Variants in SOWAHD observed in about 807,000 individuals in gnomAD.
SOWAHD encodes ankyrin repeat domain-containing protein SOWAHD.
For missense variants in SOWAHD, 295 were observed against 297.7 expected (o/e 0.99, Z 0.07); for synonymous variants, 142 against 147.2 (o/e 0.96, Z 0.26).
In SOWAHD at chrX:119,759,077, C is replaced by A. The variant is rs774550324; in HGVS notation, c.410C>A (p.Pro137Gln). ...CTGCGGGAGCTGCTGGAGGCTGAGC[C>A]GGAGCTGCTGCTGCGGGGCGACCCG... ...EVLRELLEAE[P>Q]ELLLRGDPIT... Residue 137 changes from proline (P) to glutamine (Q), a missense_variant, in exon 1 of 1, where the codon CCG (proline) becomes CAG (glutamine). By Grantham distance (76) the Pro-to-Gln change is moderately conservative. Transcript: ENST00000343905. 8.4e-7 allele frequency: 1 copy of A among 1,185,421 alleles called. No individual in the cohort carries two copies. Among genetic ancestry groups the A allele is most frequent in the Non-Finnish European group, 1.1e-6 (1 of 887,124 alleles).
rs2055531914 is a variant in SOWAHD, at chrX:119,759,033, C to T, written c.366C>T (p.Ala122=). The change falls in exon 1 of 1, where the codon GCC becomes GCT. Residue 122 remains alanine (A), a synonymous_variant. Transcript: ENST00000343905. The part of the protein sequence containing the change: ...PREHAWILAA[A]EGRYEVLREL... The stretch of plus-strand genomic sequence containing the variant: ...AGCACGCGTGGATTCTGGCAGCCGC[C>T]GAGGGCCGCTATGAGGTGCTGCGGG... 1 of 1,167,392 alleles carries T rather than the reference C, an allele frequency of 8.6e-7. No individual in the cohort carries two copies. Among genetic ancestry groups the T allele is most frequent in the Non-Finnish European group, 1.1e-6 (1 of 879,397 alleles).
chrX:119,758,676 G>A lies in SOWAHD; in HGVS notation c.9G>A (p.Gln3=), dbSNP rs373259047. The A allele has an allele frequency of 6.2e-6, 7 of 1,121,498 alleles. No homozygotes were observed. The highest frequency in any genetic ancestry group is 7.0e-6 in the Non-Finnish European group (6 of 857,987). 92.4% of individuals were successfully genotyped at this position (1,121,498 alleles called of 1,213,427 possible). Residue 3 remains glutamine, a synonymous_variant, in exon 1 of 1, where the codon CAG becomes CAA. Transcript: ENST00000343905. ...GCGGCAGCTTCAAGACCATGGCCCA[G>A]CTCGGAGGGGCCGCGAACCGGGCAC... MA[Q]LGGAANRAPT...
In SOWAHD at chrX:119,759,074, A is replaced by C. The variant is rs762544885; in HGVS notation, c.407A>C (p.Glu136Ala). ...GTGCTGCGGGAGCTGCTGGAGGCTG[A>C]GCCGGAGCTGCTGCTGCGGGGCGAC... ...YEVLRELLEA[E>A]PELLLRGDPI... Residue 136 changes from glutamate to alanine, a missense_variant, in exon 1 of 1, where the codon GAG (glutamate) becomes GCG (alanine). By Grantham distance (107) the Glu-to-Ala change is moderately radical. Coordinates refer to ENST00000343905, the MANE Select transcript of SOWAHD (RefSeq NM_001105576.3). The C allele has an allele frequency of 9.5e-5, 113 of 1,183,563 alleles. No homozygotes were observed. Among genetic ancestry groups the C allele is most frequent in the Non-Finnish European group, 1.2e-4 (108 of 886,700 alleles).
chrX:119,758,675 A>T lies in SOWAHD; in HGVS notation c.8A>T (p.Gln3Leu). The change falls in exon 1 of 1, where the codon CAG becomes CTG. Residue 3 changes from glutamine (Q) to leucine (L), a missense_variant. Gln to Leu is a moderately radical substitution (Grantham distance 113). Transcript: ENST00000343905. MA[Q>L]LGGAANRAPT... ...GGCGGCAGCTTCAAGACCATGGCCCAGCTCGGAGGGGCCGCGAACCGGGCA... is the reference window on the plus strand; with the variant it reads ...GGCGGCAGCTTCAAGACCATGGCCCTGCTCGGAGGGGCCGCGAACCGGGCA... The T allele has an allele frequency of 8.9e-7, 1 of 1,119,039 alleles. No individual in the cohort carries two copies. The highest frequency in any genetic ancestry group is 1.2e-6 in the Non-Finnish European group (1 of 856,723). 92.2% of individuals were successfully genotyped at this position (1,119,039 alleles called of 1,213,427 possible).
Position 119,758,842 on chromosome X carries a change from A to G in SOWAHD, c.175A>G (p.Thr59Ala). The change falls in exon 1 of 1, where the codon ACG (threonine) becomes GCG (alanine). Residue 59 changes from threonine to alanine, a missense_variant. Physicochemically the swap from Thr to Ala is moderately conservative, Grantham distance 58. Transcript: ENST00000343905. ...AASREHPFPG[T>A]LMHSAAGSGR... is the part of the protein sequence containing the mutation. ...CTCCCGGGAGCACCCCTTCCCAGGC[A>G]CGCTGATGCACTCTGCAGCGGGCTC... is the stretch of plus-strand genomic sequence containing the variant. The G allele has an allele frequency of 8.8e-7, 1 of 1,132,995 alleles. No individual in the cohort carries two copies. The highest frequency in any genetic ancestry group is 1.2e-6 in the Non-Finnish European group (1 of 863,810). 93.4% of individuals were successfully genotyped at this position (1,132,995 alleles called of 1,213,427 possible).
rs1174340381 is a variant in SOWAHD at position 119,759,725 on chromosome X, C to G, written c.*110C>G. The G allele has an allele frequency of 1.2e-6, 1 of 817,887 alleles. No individual in the cohort carries two copies. Among genetic ancestry groups the G allele is most frequent in the African/African-American group, 2.2e-5 (1 of 46,329 alleles). 67.4% of individuals were successfully genotyped at this position (817,887 alleles called of 1,213,427 possible). A position where few individuals can be genotyped will look rare whatever the true frequency, so the allele number is the denominator to read the frequency against. ...AGAGGCGCCTTGGACGCTGCTTGGG[C>G]CTGCAAGGAACAGAACACGTCGGGG... On this transcript the variant is annotated 3_prime_UTR_variant, in exon 1 of 1. Transcript: ENST00000343905.
chrX:119,758,751 G>A lies in SOWAHD; in HGVS notation c.84G>A (p.Gln28=), dbSNP rs1439416156. The change falls in exon 1 of 1, where the codon CAG becomes CAA. Residue 28 remains glutamine (Q), a synonymous_variant. Coordinates refer to ENST00000343905, the MANE Select transcript of SOWAHD (RefSeq NM_001105576.3). ...PTSQSLRCAP[Q]PRPSRADTGS... Reference sequence around the variant, plus strand: ...CGCAGAGCCTGCGGTGCGCCCCGCAGCCCCGCCCCTCGAGAGCGGACACTG... The same window carrying A: ...CGCAGAGCCTGCGGTGCGCCCCGCAACCCCGCCCCTCGAGAGCGGACACTG... 3 of 1,169,476 alleles carry A rather than the reference G, an allele frequency of 2.6e-6. No individual in the cohort carries two copies. Among genetic ancestry groups the A allele is most frequent in the African/African-American group, 3.6e-5 (2 of 55,122 alleles).
In SOWAHD at chrX:119,759,522, G is replaced by A. The variant is rs1339976848; in HGVS notation, c.855G>A (p.Ala285=). 1.7e-6 allele frequency: 2 copies of A among 1,197,290 alleles called. No homozygotes were observed. The highest frequency in any genetic ancestry group is 2.3e-6 in the Non-Finnish European group (2 of 888,004). The part of the protein sequence containing the change: ...TAVETSRRVA[A]SRTKAKDTAG... ...TGGAGACAAGCAGGAGAGTGGCAGC[G>A]TCGCGGACCAAGGCGAAGGACACCG... Residue 285 remains alanine, a synonymous_variant, in exon 1 of 1, where the codon GCG becomes GCA. Transcript: ENST00000343905.
chrX:119,758,975 C>A lies in SOWAHD; in HGVS notation c.308C>A (p.Pro103Gln). ...GAGGAGCTGGGCGGGCCGAGTGGGC[C>A]GGGCAGCAGCAGGCTGTGCCTGGAA... Reference protein sequence around the residue: ...RAEELGGPSGPGSSRLCLEPR... With the variant: ...RAEELGGPSGQGSSRLCLEPR... Residue 103 changes from proline to glutamine, a missense_variant, in exon 1 of 1, where the codon CCG becomes CAG. Physicochemically the swap from Pro to Gln is moderately conservative, Grantham distance 76 (BLOSUM62 -1). Coordinates refer to ENST00000343905, the MANE Select transcript of SOWAHD (RefSeq NM_001105576.3). 8.9e-7 allele frequency: 1 copy of A among 1,120,681 alleles called. No individual in the cohort carries two copies. Among genetic ancestry groups the A allele is most frequent in the Non-Finnish European group, 1.2e-6 (1 of 857,455 alleles). The allele number at this position is 1,120,681 out of a possible 1,213,427, so 92.4% of individuals were successfully genotyped here. A position where few individuals can be genotyped will look rare whatever the true frequency, so the allele number is the denominator to read the frequency against.
Position 119,759,194 on chromosome X carries a change from T to C in SOWAHD, c.527T>C (p.Leu176Pro). 1 of 1,188,084 alleles carries C rather than the reference T, an allele frequency of 8.4e-7. No homozygotes were observed. Residue 176 changes from leucine (L) to proline (P), a missense_variant, in exon 1 of 1, where the codon CTG (leucine) becomes CCG (proline). Physicochemically the swap from Leu to Pro is moderately conservative, Grantham distance 98. Coordinates refer to ENST00000343905, the MANE Select transcript of SOWAHD (RefSeq NM_001105576.3). ...LVHDFALRRGLRLDVSAPGSG... is the reference protein window; with the variant it reads ...LVHDFALRRGPRLDVSAPGSG... ...CACGATTTCGCCCTACGCCGGGGGC[T>C]GAGGCTCGACGTGAGCGCCCCAGGC...
rs2055535413 is a variant in SOWAHD at position 119,759,387 on chromosome X, G to A, written c.720G>A (p.Ser240=). 2 of 1,199,818 alleles carry A rather than the reference G, an allele frequency of 1.7e-6. No individual in the cohort carries two copies. The highest frequency in any genetic ancestry group is 2.2e-6 in the Non-Finnish European group (2 of 889,952). The change falls in exon 1 of 1, where the codon TCG becomes TCA. Residue 240 remains serine (S), a synonymous_variant. Transcript: ENST00000343905. The part of the protein sequence containing the change: ...PDAPWRLREL[S]GAEEWEMESG... ...CGCCTTGGAGGTTGCGGGAGCTGTCGGGAGCCGAGGAATGGGAGATGGAGA... is the reference window on the plus strand; with the variant it reads ...CGCCTTGGAGGTTGCGGGAGCTGTCAGGAGCCGAGGAATGGGAGATGGAGA...
rs778434330 is a variant in SOWAHD at position 119,759,258 on chromosome X, G to A, written c.591G>A (p.Gln197=). ...CGCCCCTCCACCTGGCGGCCCTTCA[G>A]GGCCACGACATGGTCATCAAGGTGC... ...GLTPLHLAAL[Q]GHDMVIKVLV... The change falls in exon 1 of 1, where the codon CAG becomes CAA. Residue 197 remains glutamine, a synonymous_variant. Transcript: ENST00000343905. The A allele has an allele frequency of 1.6e-5, 19 of 1,190,070 alleles. No individual in the cohort carries two copies. Among genetic ancestry groups the A allele is most frequent in the Middle Eastern group, 2.4e-4 (1 of 4,239 alleles).
In SOWAHD at chrX:119,758,864, G is replaced by A; in HGVS notation, c.197G>A (p.Gly66Asp). The change falls in exon 1 of 1, where the codon GGC becomes GAC. Residue 66 changes from glycine to aspartate, a missense_variant. Transcript: ENST00000343905. The part of the protein sequence containing the change: ...FPGTLMHSAA[G>D]SGRRRGALRE... ...GGCACGCTGATGCACTCTGCAGCGGGCTCAGGGCGCCGGCGGGGAGCGCTG... is the reference window on the plus strand; with the variant it reads ...GGCACGCTGATGCACTCTGCAGCGGACTCAGGGCGCCGGCGGGGAGCGCTG... 1.8e-6 allele frequency: 2 copies of A among 1,107,592 alleles called. No homozygotes were observed. 91.3% of individuals were successfully genotyped at this position (1,107,592 alleles called of 1,213,427 possible).
At position 119,759,407 on chromosome X, in the gene SOWAHD, TG is replaced by T. The variant is rs2055535600; in HGVS notation, c.742del (p.Glu248ArgfsTer9). 8.3e-7 allele frequency: 1 copy of T among 1,199,533 alleles called. No homozygotes were observed. Among genetic ancestry groups the T allele is most frequent in the African/African-American group, 1.8e-5 (1 of 56,834 alleles). Reference sequence around the variant, plus strand: ...CTGTCGGGAGCCGAGGAATGGGAGATGGAGAGCGGCAGCGGGTGCACCAACC... The same window carrying T: ...CTGTCGGGAGCCGAGGAATGGGAGATGAGAGCGGCAGCGGGTGCACCAACC... ...RELSGAEEWE[M>X]ESGSGCTNLN... On this transcript the variant is annotated frameshift_variant, in exon 1 of 1. Coordinates refer to ENST00000343905, the MANE Select transcript of SOWAHD (RefSeq NM_001105576.3). LOFTEE classifies it low-confidence loss of function (END_TRUNC).
Position 119,759,425 on chromosome X carries a change from G to A in SOWAHD, c.758G>A (p.Cys253Tyr), listed in dbSNP as rs1178970188. Residue 253 changes from cysteine (C) to tyrosine (Y), a missense_variant, in exon 1 of 1, where the codon TGC (cysteine) becomes TAC (tyrosine). Coordinates refer to ENST00000343905, the MANE Select transcript of SOWAHD (RefSeq NM_001105576.3). ...TGGGAGATGGAGAGCGGCAGCGGGT[G>A]CACCAACCTGAACAACAACAGCAGT... ...EEWEMESGSG[C>Y]TNLNNNSSGT... 4.2e-6 allele frequency: 5 copies of A among 1,202,602 alleles called. No individual in the cohort carries two copies. In the Admixed American group the frequency reaches 1.1e-4, roughly 27 times the overall value.
rs889596806 is a variant in SOWAHD at position 119,758,696 on chromosome X, G to C, written c.29G>C (p.Arg10Pro). 1 of 1,138,821 alleles carries C rather than the reference G, an allele frequency of 8.8e-7. No homozygotes were observed. The allele number at this position is 1,138,821 out of a possible 1,213,427, so 93.9% of individuals were successfully genotyped here. A position where few individuals can be genotyped will look rare whatever the true frequency, so the allele number is the denominator to read the frequency against. ...GCCCAGCTCGGAGGGGCCGCGAACC[G>C]GGCACCCACGGCCTCTCTCGCGCCG... MAQLGGAAN[R>P]APTASLAPTS... Residue 10 changes from arginine to proline, a missense_variant, in exon 1 of 1, where the codon CGG (arginine) becomes CCG (proline). Coordinates refer to ENST00000343905, the MANE Select transcript of SOWAHD (RefSeq NM_001105576.3).
In SOWAHD at chrX:119,758,677, C is replaced by G. The variant is rs760224797; in HGVS notation, c.10C>G (p.Leu4Val). The change falls in exon 1 of 1, where the codon CTC (leucine) becomes GTC (valine). Residue 4 changes from leucine (L) to valine (V), a missense_variant. Leu to Val is a conservative substitution (Grantham distance 32). Coordinates refer to ENST00000343905, the MANE Select transcript of SOWAHD (RefSeq NM_001105576.3). MAQ[L>V]GGAANRAPTA... ...CGGCAGCTTCAAGACCATGGCCCAG[C>G]TCGGAGGGGCCGCGAACCGGGCACC... 6.2e-6 allele frequency: 7 copies of G among 1,122,765 alleles called. No homozygotes were observed. The highest frequency in any genetic ancestry group is 8.2e-6 in the Non-Finnish European group (7 of 858,620). The allele number at this position is 1,122,765 out of a possible 1,213,427, so 92.5% of individuals were successfully genotyped here.
chrX:119,758,993 G>T lies in SOWAHD; in HGVS notation c.326G>T (p.Cys109Phe). Residue 109 changes from cysteine to phenylalanine, a missense_variant, in exon 1 of 1, where the codon TGC (cysteine) becomes TTC (phenylalanine). Transcript: ENST00000343905. Reference protein sequence around the residue: ...GPSGPGSSRLCLEPREHAWIL... With the variant: ...GPSGPGSSRLFLEPREHAWIL... ...AGTGGGCCGGGCAGCAGCAGGCTGT[G>T]CCTGGAACCGCGGGAGCACGCGTGG... 17 of 1,144,537 alleles carry T rather than the reference G, an allele frequency of 1.5e-5. No individual in the cohort carries two copies. Among genetic ancestry groups the T allele is most frequent in the Non-Finnish European group, 1.6e-5 (14 of 867,897 alleles). 94.3% of individuals were successfully genotyped at this position (1,144,537 alleles called of 1,213,427 possible).
rs866597174 is a variant in SOWAHD, at chrX:119,759,233, C to T, written c.566C>T (p.Thr189Met). 1 of 1,183,129 alleles carries T rather than the reference C, an allele frequency of 8.5e-7. No individual in the cohort carries two copies. The highest frequency in any genetic ancestry group is 1.1e-6 in the Non-Finnish European group (1 of 883,588). Residue 189 changes from threonine (T) to methionine (M), a missense_variant, in exon 1 of 1, where the codon ACG (threonine) becomes ATG (methionine). Coordinates refer to ENST00000343905, the MANE Select transcript of SOWAHD (RefSeq NM_001105576.3). ...AGCGCCCCAGGCAGCGGCGGCCTCA[C>T]GCCCCTCCACCTGGCGGCCCTTCAG... ...DVSAPGSGGL[T>M]PLHLAALQGH...
Sources: allele counts gnomAD v4.1 joint callset, GRCh38; gene constraint gnomAD v4.1.1; transcripts MANE v1.5; gene names NCBI Gene and HGNC (gene_info 2026-07-23, HGNC 2026-07-21).